Variants in ARHGAP24 observed in about 807,000 individuals in gnomAD.
ARHGAP24 encodes rho GTPase-activating protein 24.
A neutral mutation model predicts 76.4 loss-of-function variants in ARHGAP24; 50 were observed. The ratio of observed to expected loss-of-function variants is 0.65; its 90% CI spans 0.52 to 0.83. The LOEUF (loss-of-function observed/expected upper bound fraction) is 0.83, where lower values mean the gene tolerates loss of function less well. Ranked by LOEUF, ARHGAP24 falls within the 40% of genes least tolerant of loss-of-function variation. ARHGAP24 has a pLI of 0.00. For synonymous variants in ARHGAP24, 345 were observed against 323.3 expected (o/e 1.07, Z -0.72); for missense variants, 930 against 914.2 (o/e 1.02, Z -0.22).
At chr4:85,712,590 C>A (rs1350266375) in intron 2 of ARHGAP24, among the ~76,000 whole-genome samples, 1 of 152,156 alleles carries the variant, frequency 6.6e-6, no homozygotes, top group African/African-American at 2.4e-5. Flanking sequence ...TGTCCCTTTT[C>A]ATTTCCAGCT....
At chr4:85,611,611 G>A (rs1031276103) in intron 2 of ARHGAP24, among the ~76,000 whole-genome samples, 2 of 152,346 alleles carry the variant, frequency 1.3e-5, no homozygotes, top group South Asian at 2.1e-4. Context: ...CTGTCCGACA[G>A]TAGTCCCTGT....
At chr4:85,573,985 G>T (rs891359431) in intron 2 of ARHGAP24, among the ~76,000 whole-genome samples, 5 of 152,078 alleles carry the variant, frequency 3.3e-5, no homozygotes, top group African/African-American at 1.2e-4. Flanking sequence ...TTTTGATGCG[G>T]TCTATTTCAA....
intron 2 of ARHGAP24, among the ~76,000 whole-genome samples, chr4:85,591,554 TAGTCATTAGTTACAAGTCAC>T (rs1333515734): frequency 1.2e-4 from 18 of 152,306 alleles, no homozygotes; most frequent in Non-Finnish European, 2.5e-4. Context: ...GTGTCAGACT[TAGTCATTAGTTACAAGTCAC>T]AGTCATTAGT....
chr4:85,601,217 T>C (rs1218267058), intron 2 of ARHGAP24, among the ~76,000 whole-genome samples: 1 of 152,234 alleles, frequency 6.6e-6, no homozygotes, highest in Non-Finnish European at 1.5e-5. Flanking sequence ...AACTGTTCTG[T>C]GCAAGGTTGT....
chr4:85,956,691 A>C (rs1181708836), intron 5 of ARHGAP24, among the ~76,000 whole-genome samples: 1 of 152,204 alleles, frequency 6.6e-6, no homozygotes, highest in African/African-American at 2.4e-5. Flanking sequence ...TTAGCGATGC[A>C]GAACAATGGC....
At chr4:85,963,743 T>G (rs548047104) in intron 5 of ARHGAP24, among the ~76,000 whole-genome samples, 68 of 152,282 alleles carry the variant, frequency 4.5e-4, no homozygotes, top group African/African-American at 1.4e-3. Flanking sequence ...AATGACTAAT[T>G]TATAAAATAA....
At chr4:85,733,277 A>G (rs1028245853) in intron 3 of ARHGAP24, among the ~76,000 whole-genome samples, 9 of 146,642 alleles carry the variant, frequency 6.1e-5, no homozygotes, top group African/African-American at 2.3e-4. Context: ...GTTAGTCAGG[A>G]TGGTCTCGAT....
chr4:85,828,720 G>A (rs1729844116), intron 3 of ARHGAP24, among the ~76,000 whole-genome samples: 1 of 152,086 alleles, frequency 6.6e-6, no homozygotes, highest in Admixed American at 6.5e-5. Flanking sequence ...TACTCACTAT[G>A]AGTCTGTTAC....
intron 3 of ARHGAP24, among the ~76,000 whole-genome samples, chr4:85,902,016 C>CTTTTAATTT (rs1334076689): frequency 6.6e-6 from 1 of 152,106 alleles, no homozygotes; most frequent in East Asian, 1.9e-4. Context: ...TGATGGTCCC[C>CTTTTAATTT]TCCCTGAGTC....
intron 3 of ARHGAP24, among the ~76,000 whole-genome samples, chr4:85,749,705 A>G (rs1330509719): frequency 2.6e-4 from 39 of 152,176 alleles, no homozygotes; most frequent in Admixed American, 2.5e-3. Flanking sequence ...AGCTGGGATT[A>G]CAGGCACCTG....
intron 3 of ARHGAP24, among the ~76,000 whole-genome samples, chr4:85,894,352 A>G (rs2869407): frequency 0.13 from 19,136 of 152,066 alleles, 1,280 homozygotes; most frequent in African/African-American, 0.16. Context: ...TAGGGAAGGT[A>G]GAAGACATAC....
intron 9 of ARHGAP24, among the ~76,000 whole-genome samples, chr4:85,997,371 T>TATAGATAGATAG (rs70948774): frequency 6.8e-6 from 1 of 147,522 alleles, no homozygotes; most frequent in Non-Finnish European, 1.5e-5. Context: ...AGATGATAGA[T>TATAGATAGATAG]ATAGATAGAT....
At chr4:85,560,562 G>A (rs35068584) in intron 1 of ARHGAP24, among the ~76,000 whole-genome samples, 2,968 of 152,242 alleles carry the variant, frequency 0.019, 47 homozygotes, top group Non-Finnish European at 0.031. Context: ...CAAGCAACAG[G>A]ATTTTGTAGT....
At chr4:85,668,583 A>G (rs1722718485) in intron 2 of ARHGAP24, among the ~76,000 whole-genome samples, 1 of 152,216 alleles carries the variant, frequency 6.6e-6, no homozygotes, top group South Asian at 2.1e-4. Context: ...CTCTGGAATC[A>G]AAAGATGAGA....
chr4:85,663,789 G>C lies in ARHGAP24; in HGVS notation c.181-58096G>C, dbSNP rs1461624817. On this transcript the variant is annotated intron_variant, in intron 2 of 9. Transcript: ENST00000395184. ...CTATTGAGATACTCATGTGGTTTTT[G>C]TCTTTGGTTCTGTTTATATGCTGGA... Among the ~76,000 whole-genome samples the C allele has an allele frequency of 2.6e-5, 4 of 151,772 alleles. No homozygotes were observed. The South Asian group carries it at 8.3e-4, about 32-fold the overall frequency.
At chr4:85,884,443 G>A (rs1463070924) in intron 3 of ARHGAP24, among the ~76,000 whole-genome samples, 2 of 152,126 alleles carry the variant, frequency 1.3e-5, no homozygotes, top group Non-Finnish European at 2.9e-5. Flanking sequence ...TTTTATCCCT[G>A]TAATCAGTTT....
intron 8 of ARHGAP24, among the ~76,000 whole-genome samples, chr4:85,978,397 C>T (rs534956457): frequency 6.6e-5 from 10 of 152,194 alleles, no homozygotes; most frequent in Non-Finnish European, 8.8e-5. Flanking sequence ...TACCTGATAC[C>T]GTTCCTTTCC....
chr4:85,591,036 T>G (rs1281362162), intron 2 of ARHGAP24, among the ~76,000 whole-genome samples: 3 of 78,056 alleles, frequency 3.8e-5, no homozygotes, highest in Non-Finnish European at 5.0e-5. Context: ...GCTGGGTTTT[T>G]TTTTTTTTTT....
At chr4:85,557,860 T>G (rs140079887) in intron 1 of ARHGAP24, among the ~76,000 whole-genome samples, 21 of 152,382 alleles carry the variant, frequency 1.4e-4, no homozygotes, top group African/African-American at 3.8e-4. Flanking sequence ...ACATATTTTT[T>G]ATCTTTAATG....
Sources: gnomAD v4.1 joint callset for allele counts (sites outside exome capture counted in the v4.1 genomes callset) on GRCh38, gnomAD v4.1.1 for gene constraint, MANE v1.5 for transcripts, NCBI Gene and HGNC (gene_info 2026-07-23, HGNC 2026-07-21) for gene names.